Variants in MTHFD1L observed in about 807,000 individuals in gnomAD.
MTHFD1L encodes methylenetetrahydrofolate dehydrogenase (NADP+ dependent) 1 like.
A neutral mutation model predicts 119.5 loss-of-function variants in MTHFD1L; 81 were observed. That is an observed-to-expected ratio of 0.68 (90% CI 0.57 to 0.82). MTHFD1L has a LOEUF of 0.82. Ranked by LOEUF, MTHFD1L falls within the 40% of genes least tolerant of loss-of-function variation. MTHFD1L has a pLI of 0.00. For synonymous variants in MTHFD1L, 430 were observed against 475.2 expected, an observed-to-expected ratio of 0.90 and a Z score of 1.24; for missense variants, 1,125 against 1,253.4, an observed-to-expected ratio of 0.90 and a Z score of 1.55.
At chr6:150,994,086 A>AAAGAAAG (rs1779466251) in intron 20 of MTHFD1L, among the ~76,000 whole-genome samples, 2 of 145,762 alleles carry the variant, frequency 1.4e-5, no homozygotes, top group African/African-American at 5.5e-5. Context: ...AAAAAGAAAG[A>AAAGAAAG]AAGAAAGAAA....
Position 151,014,987 on chromosome 6 carries a change from C to T in MTHFD1L, c.2408+7C>T, listed in dbSNP as rs1382960209. ...TGGCTCTGAATGTCTTCAAGTAAGT[C>T]CAGCCTCCTCCTTTAAATGTGGGCA... On this transcript the variant is annotated splice_region_variant and intron_variant, in intron 23 of 27. Coordinates refer to ENST00000367321, the MANE Select transcript of MTHFD1L (RefSeq NM_015440.5). 1 of 1,611,056 alleles carries T rather than the reference C, an allele frequency of 6.2e-7. No homozygotes were observed. Among genetic ancestry groups the T allele is most frequent in the Admixed American group, 1.7e-5 (1 of 59,920 alleles).
intron 1 of MTHFD1L, among the ~76,000 whole-genome samples, chr6:150,868,893 C>T (rs538709280): frequency 6.6e-6 from 1 of 152,022 alleles, no homozygotes; most frequent in South Asian, 2.1e-4. Context: ...AGACACCCAT[C>T]TCTGTAAAAA....
intron 17 of MTHFD1L, among the ~76,000 whole-genome samples, chr6:150,956,651 G>A (rs1004348634): frequency 2.6e-5 from 4 of 152,106 alleles, no homozygotes; most frequent in Non-Finnish European, 4.4e-5. Flanking sequence ...TTTCATCCAG[G>A]CACAGTGGGC....
intron 7 of MTHFD1L, among the ~76,000 whole-genome samples, chr6:150,896,460 C>A (rs530727732): frequency 6.6e-6 from 1 of 152,300 alleles, no homozygotes; most frequent in African/African-American, 2.4e-5. Context: ...CCTCCCCTGC[C>A]TGCTGTGGGT....
At chr6:150,999,626 G>T (rs570705506) in intron 20 of MTHFD1L, among the ~76,000 whole-genome samples, 1 of 152,278 alleles carries the variant, frequency 6.6e-6, no homozygotes, top group South Asian at 2.1e-4. Context: ...TTTATTACAT[G>T]TATAATCATA....
chr6:151,080,928 G>A (rs1395701582), intron 26 of MTHFD1L, among the ~76,000 whole-genome samples: 1 of 152,142 alleles, frequency 6.6e-6, no homozygotes, highest in African/African-American at 2.4e-5. Flanking sequence ...TTTTGAGATG[G>A]GGTCTTGCTC....
At chr6:151,080,141 G>T (rs781349957) in intron 26 of MTHFD1L, among the ~76,000 whole-genome samples, 16 of 152,050 alleles carry the variant, frequency 1.1e-4, no homozygotes, top group Non-Finnish European at 2.1e-4. Flanking sequence ...TTGCGCCATT[G>T]CACTCCAGCC....
At chr6:151,037,178 C>A (rs527849409) in intron 26 of MTHFD1L, 61 bp downstream of exon 26, 20 of 1,564,566 alleles carry the variant, frequency 1.3e-5, no homozygotes, top group Non-Finnish European at 1.7e-5. Flanking sequence ...TGCCTCAAAT[C>A]GTTATGCTCC....
intron 24 of MTHFD1L, among the ~76,000 whole-genome samples, chr6:151,031,445 G>A (rs192725875): frequency 4.8e-4 from 73 of 152,364 alleles, no homozygotes; most frequent in Admixed American, 1.2e-3. Context: ...GCAGGTAGGA[G>A]CGCCCCAAGG....
intron 16 of MTHFD1L, among the ~76,000 whole-genome samples, chr6:150,955,495 GT>G (rs142879620): frequency 0.42 from 49,056 of 115,722 alleles, 9,976 homozygotes; most frequent in Non-Finnish European, 0.51. Flanking sequence ...TGCTGGTTGG[GT>G]TTTTTTTTTT....
rs57961829 is a variant in MTHFD1L, at chr6:150,916,737, C to CTTTTTT, written c.893-1803_893-1798dup. 3.2e-4 allele frequency among the ~76,000 whole-genome samples: 23 copies of CTTTTTT among 72,132 alleles called. 1 individual carries two copies. Among genetic ancestry groups the CTTTTTT allele is most frequent in the African/African-American group, 6.5e-4 (15 of 22,918 alleles). 47.3% of individuals were successfully genotyped at this position (72,132 alleles called of 152,430 possible). A position where few individuals can be genotyped will look rare whatever the true frequency, so the allele number is the denominator to read the frequency against. On this transcript the variant is annotated intron_variant, in intron 8 of 27. Transcript: ENST00000367321. The stretch of plus-strand genomic sequence containing the variant: ...TTTTGATGGAAAATTGATTCTATCC[C>CTTTTTT]TTTTTTTTTTTTTTTTTTTTTTTTT...
chr6:150,976,093 A>C (rs1343315353), intron 20 of MTHFD1L, among the ~76,000 whole-genome samples: 2 of 152,180 alleles, frequency 1.3e-5, no homozygotes, highest in East Asian at 3.8e-4. Flanking sequence ...TCAGCTACTC[A>C]GGAGGCTGAG....
intron 26 of MTHFD1L, among the ~76,000 whole-genome samples, chr6:151,074,421 TAA>T (rs1792298379): frequency 1.3e-5 from 2 of 152,212 alleles, no homozygotes; most frequent in African/African-American, 2.4e-5. Context: ...AGTATAGCGT[TAA>T]AAACATTTAG....
At chr6:150,890,584 C>T (rs187469049) in intron 7 of MTHFD1L, among the ~76,000 whole-genome samples, 6 of 152,228 alleles carry the variant, frequency 3.9e-5, no homozygotes, top group South Asian at 4.1e-4. Context: ...GGCAGCTATT[C>T]GAGTTATCCC....
chr6:151,075,898 A>G (rs1350384236), intron 26 of MTHFD1L, among the ~76,000 whole-genome samples: 1 of 152,218 alleles, frequency 6.6e-6, no homozygotes, highest in Non-Finnish European at 1.5e-5. Flanking sequence ...TTGTATATGG[A>G]ATACTAAAAC....
intron 20 of MTHFD1L, among the ~76,000 whole-genome samples, chr6:150,997,990 T>C (rs1337719351): frequency 6.6e-6 from 1 of 152,076 alleles, no homozygotes; most frequent in Non-Finnish European, 1.5e-5. Flanking sequence ...TCACCAGAGG[T>C]AGACTCTGTG....
chr6:151,076,179 A>T (rs1792490759), intron 26 of MTHFD1L, among the ~76,000 whole-genome samples: 1 of 152,226 alleles, frequency 6.6e-6, no homozygotes, highest in South Asian at 2.1e-4. Flanking sequence ...CAACATAGGG[A>T]GGAGACTCTG....
chr6:150,914,898 G>A (rs1164492981), intron 8 of MTHFD1L, among the ~76,000 whole-genome samples: 5 of 152,208 alleles, frequency 3.3e-5, no homozygotes, highest in Admixed American at 2.0e-4. Context: ...TACTCAATCC[G>A]ACCCTACTTG....
intron 20 of MTHFD1L, among the ~76,000 whole-genome samples, chr6:150,999,607 C>T (rs1780316666): frequency 1.3e-5 from 2 of 152,026 alleles, no homozygotes; most frequent in South Asian, 2.1e-4. Context: ...TAAAAATAAG[C>T]CTATATAATT....
Sources: gnomAD v4.1 joint callset for allele counts (sites outside exome capture counted in the v4.1 genomes callset) on GRCh38, gnomAD v4.1.1 for gene constraint, MANE v1.5 for transcripts, NCBI Gene and HGNC (gene_info 2026-07-23, HGNC 2026-07-21) for gene names.